Variants in TBC1D4 observed in about 807,000 individuals in gnomAD.
TBC1D4 encodes TBC (Tre-2, BUB2, CDC16) domain-containing protein.
In TBC1D4, 121 loss-of-function variants were observed where a neutral mutation model predicts 142.5. The ratio of observed to expected loss-of-function variants is 0.85; its 90% CI spans 0.73 to 0.99. TBC1D4 has a LOEUF of 0.99. Among genes scored for constraint, TBC1D4 ranks in the 50% least tolerant of loss-of-function variants. The probability of loss-of-function intolerance (pLI) is 0.00; values close to 1 mark genes in which losing one functional copy is unlikely to be tolerated. For missense variants in TBC1D4, 1,475 were observed against 1,606.6 expected, an observed-to-expected ratio of 0.92 and a Z score of 1.40; for synonymous variants, 630 against 628.2, an observed-to-expected ratio of 1.00 and a Z score of -0.04.
chr13:75,359,775 A>C lies in TBC1D4; in HGVS notation c.1164T>G (p.Cys388Trp). 6.2e-7 allele frequency: 1 copy of C among 1,609,478 alleles called. No individual in the cohort carries two copies. Among genetic ancestry groups the C allele is most frequent in the South Asian group, 1.1e-5 (1 of 90,948 alleles). Residue 388 changes from cysteine to tryptophan, a missense_variant, in exon 3 of 21, where the codon TGT (cysteine) becomes TGG (tryptophan). By Grantham distance (215) the Cys-to-Trp change is radical. Coordinates refer to ENST00000377636, the MANE Select transcript of TBC1D4 (RefSeq NM_014832.5). ...LEKNFKDISS[C>W]SQGIKHVDHF... is the part of the protein sequence containing the mutation. ...GATATACTTTGATACATACCTGAGA[A>C]CAAGAGGAGATATCTTTAAAATTCT... is the stretch of plus-strand genomic sequence containing the variant.
intron 17 of TBC1D4, among the ~76,000 whole-genome samples, chr13:75,296,005 T>C (rs1201667026): frequency 6.6e-6 from 1 of 152,142 alleles, no homozygotes; most frequent in Non-Finnish European, 1.5e-5. Context: ...CAATTATTTC[T>C]AGAGTACAGA....
At chr13:75,481,026 TCCCTCCGGG>T (rs1379383844) in intron 1 of TBC1D4, among the ~76,000 whole-genome samples, 1 of 152,140 alleles carries the variant, frequency 6.6e-6, no homozygotes, top group Non-Finnish European at 1.5e-5. Context: ...GTTGTCCTTT[TCCCTCCGGG>T]TCCCTGCTGT....
chr13:75,424,177 G>A (rs1886280385), intron 1 of TBC1D4, among the ~76,000 whole-genome samples: 1 of 151,482 alleles, frequency 6.6e-6, no homozygotes, highest in South Asian at 2.1e-4. Flanking sequence ...GGAGGCTGAG[G>A]CAGGAAGATC....
intron 1 of TBC1D4, among the ~76,000 whole-genome samples, chr13:75,396,493 C>T (rs977675755): frequency 6.0e-5 from 9 of 151,050 alleles, no homozygotes; most frequent in South Asian, 4.2e-4. Context: ...GTAGATATTT[C>T]GGAAATTTTA....
At chr13:75,416,698 C>A (rs776363405) in intron 1 of TBC1D4, among the ~76,000 whole-genome samples, 4 of 152,188 alleles carry the variant, frequency 2.6e-5, no homozygotes. Flanking sequence ...TGGTTAGGTG[C>A]CAGGTTGTGG....
At chr13:75,437,054 T>G (rs372453557) in intron 1 of TBC1D4, among the ~76,000 whole-genome samples, 2 of 152,090 alleles carry the variant, frequency 1.3e-5, no homozygotes, top group African/African-American at 4.8e-5. Context: ...TCTTTGAAAA[T>G]GTCAAGGCAA....
At chr13:75,468,949 A>C (rs1194907046) in intron 1 of TBC1D4, among the ~76,000 whole-genome samples, 1 of 152,222 alleles carries the variant, frequency 6.6e-6, no homozygotes, top group East Asian at 1.9e-4. Context: ...TGTAAAAAAG[A>C]AAATTAATTT....
At chr13:75,296,727 T>C (rs1370737112) in intron 17 of TBC1D4, among the ~76,000 whole-genome samples, 1 of 149,186 alleles carries the variant, frequency 6.7e-6, no homozygotes, top group Non-Finnish European at 1.5e-5. Context: ...GAAAAAAAAG[T>C]AGAGACCAAA....
chr13:75,392,455 A>T (rs1037940555), intron 1 of TBC1D4, among the ~76,000 whole-genome samples: 1 of 152,172 alleles, frequency 6.6e-6, no homozygotes, highest in South Asian at 2.1e-4. Flanking sequence ...GGCACTTGCA[A>T]GACAACCTCA....
At chr13:75,475,586 G>A (rs1176794481) in intron 1 of TBC1D4, among the ~76,000 whole-genome samples, 2 of 152,168 alleles carry the variant, frequency 1.3e-5, no homozygotes. Flanking sequence ...TACTAAGCAT[G>A]CTGCTATTTT....
At position 75,301,882 on chromosome 13, in the gene TBC1D4, TCTAAG is replaced by T. The variant is rs1876598770; in HGVS notation, c.2911+356_2911+360del. ...CACCTTTGTTAAATTTTTAACCTATTCTAAGCTATTTCAAAACCAGCATTGATTAA... is the reference window on the plus strand; with the variant it reads ...CACCTTTGTTAAATTTTTAACCTATTCTATTTCAAAACCAGCATTGATTAA... On this transcript the variant is annotated intron_variant, in intron 16 of 20. Transcript: ENST00000377636. 2.6e-5 allele frequency among the ~76,000 whole-genome samples: 4 copies of T among 152,320 alleles called. No homozygotes were observed. In the South Asian group the frequency reaches 8.3e-4, roughly 32 times the overall value.
chr13:75,455,462 C>G (rs1357189676), intron 1 of TBC1D4, among the ~76,000 whole-genome samples: 2 of 152,062 alleles, frequency 1.3e-5, no homozygotes, highest in Non-Finnish European at 2.9e-5. Context: ...ATTAACCAAG[C>G]CAAGTGCCGT....
At chr13:75,341,610 G>C in intron 5 of TBC1D4, 23 bp from the exon 6 acceptor site, 3 of 1,569,270 alleles carry the variant, frequency 1.9e-6, no homozygotes, top group Non-Finnish European at 2.6e-6. Flanking sequence ...ATGAGGGAAG[G>C]TATTAAACAG....
At chr13:75,392,147 A>G (rs1884521142) in intron 1 of TBC1D4, among the ~76,000 whole-genome samples, 1 of 152,220 alleles carries the variant, frequency 6.6e-6, no homozygotes, top group East Asian at 1.9e-4. Context: ...CTATAAAACC[A>G]AAGATTTTCA....
At chr13:75,450,093 A>G (rs1887471203) in intron 1 of TBC1D4, among the ~76,000 whole-genome samples, 2 of 152,072 alleles carry the variant, frequency 1.3e-5, no homozygotes, top group African/African-American at 4.8e-5. Flanking sequence ...ATTTTCTTGA[A>G]ATTTTGCTTA....
rs1476327788 is a variant in TBC1D4, at chr13:75,306,433, CTAATT to C, written c.2627_2631del (p.Lys876ArgfsTer3). 6.2e-7 allele frequency: 1 copy of C among 1,613,308 alleles called. No homozygotes were observed. The highest frequency in any genetic ancestry group is 2.2e-5 in the East Asian group (1 of 44,768). ...TGACATGCACCAACTTCTTCATAGT[CTAATT>C]TAACTTTTCTGGACTGGAGTTCATC... On this transcript the variant is annotated frameshift_variant, in exon 15 of 21. Coordinates refer to ENST00000377636, the MANE Select transcript of TBC1D4 (RefSeq NM_014832.5). LOFTEE classifies it high-confidence loss of function.
At chr13:75,332,805 G>A (rs923437912) in intron 8 of TBC1D4, among the ~76,000 whole-genome samples, 1 of 152,198 alleles carries the variant, frequency 6.6e-6, no homozygotes, top group Non-Finnish European at 1.5e-5. Flanking sequence ...TTCTGTTAAA[G>A]TTAGAAGGAT....
At chr13:75,471,896 C>T (rs984290260) in intron 1 of TBC1D4, among the ~76,000 whole-genome samples, 2 of 147,488 alleles carry the variant, frequency 1.4e-5, no homozygotes, top group African/African-American at 5.0e-5. Flanking sequence ...CACCTGAGGT[C>T]GGGAGTGCGA....
Position 75,481,312 on chromosome 13 carries a change from C to G in TBC1D4, c.456G>C (p.Ser152=). ...LIKAQPDDPE[S]QMACHVFRAT... ...CGCGGAAAACGTGGCAGGCCATCTG[C>G]GACTCGGGGTCGTCGGGCTGCGCCT... is the stretch of plus-strand genomic sequence containing the variant. The change falls in exon 1 of 21, where the codon TCG becomes TCC. Residue 152 remains serine (S), a synonymous_variant. Transcript: ENST00000377636. The G allele has an allele frequency of 6.2e-7, 1 of 1,613,830 alleles. No individual in the cohort carries two copies.
Sources: allele counts gnomAD v4.1 joint callset (sites outside exome capture counted in the v4.1 genomes callset), GRCh38; gene constraint gnomAD v4.1.1; transcripts MANE v1.5; gene names NCBI Gene and HGNC (gene_info 2026-07-23, HGNC 2026-07-21).